PDXDC1: variants seen among roughly 807,000 people sequenced by gnomAD.
The protein encoded by PDXDC1 is pyridoxal dependent decarboxylase domain containing 1.
PDXDC1 carries 42 observed loss-of-function variants against 100.1 expected under a neutral mutation model. The ratio of observed to expected loss-of-function variants is 0.42; its 90% CI spans 0.33 to 0.54. The LOEUF (loss-of-function observed/expected upper bound fraction) is 0.54, where lower values mean the gene tolerates loss of function less well. Among genes scored for constraint, PDXDC1 ranks in the 20% least tolerant of loss-of-function variants. The pLI, the probability that PDXDC1 is intolerant of heterozygous loss-of-function variation, is 0.10. For missense variants in PDXDC1, 636 were observed against 979.2 expected, an observed-to-expected ratio of 0.65 and a Z score of 4.68; for synonymous variants, 260 against 371.7, an observed-to-expected ratio of 0.70 and a Z score of 3.46.
At chr16:15,035,850 A>C (rs1352472917) in intron 22 of PDXDC1, among the ~76,000 whole-genome samples, 166 bp from the exon 23 acceptor site, 1 of 152,136 alleles carries the variant, frequency 6.6e-6, no homozygotes, top group Non-Finnish European at 1.5e-5. Flanking sequence ...TGTTGGTGTC[A>C]AGCTAGCAGC....
At chr16:15,148,097 T>TC in the PDXDC1 span, among the ~76,000 whole-genome samples, 1 of 151,088 alleles carries the variant, frequency 6.6e-6, no homozygotes, top group African/African-American at 2.4e-5. Flanking sequence ...CAGGGAATCC[T>TC]CCCCCCTCAG....
intron 16 of PDXDC1, among the ~76,000 whole-genome samples, chr16:15,081,629 CT>C (rs1352827960): frequency 2.0e-5 from 3 of 152,170 alleles, no homozygotes; most frequent in Admixed American, 1.3e-4. Flanking sequence ...TTTGGGGATC[CT>C]TTTCATCTTC....
chr16:15,029,967 A>T lies in PDXDC1; in HGVS notation c.1310A>T (p.Lys437Met). ...ALNRWLGEQL[K>M]QLVPASGLTV... ...TCCTCACAGCTGGGAGAACAGCTGAAGCAGCTGGTGCCTGCAAGCGGCCTC... is the reference window on the plus strand; with the variant it reads ...TCCTCACAGCTGGGAGAACAGCTGATGCAGCTGGTGCCTGCAAGCGGCCTC... Residue 437 changes from lysine to methionine, a missense_variant, in exon 16 of 23, where the codon AAG (lysine) becomes ATG (methionine). Coordinates refer to ENST00000396410, the MANE Select transcript of PDXDC1 (RefSeq NM_015027.4). The T allele has an allele frequency of 6.4e-7, 1 of 1,554,054 alleles. No individual in the cohort carries two copies. The highest frequency in any genetic ancestry group is 1.2e-5 in the South Asian group (1 of 84,142).
intron 1 of PDXDC1, among the ~76,000 whole-genome samples, chr16:14,994,858 C>A (rs1971623724): frequency 6.6e-6 from 1 of 152,298 alleles, no homozygotes; most frequent in African/African-American, 2.4e-5. Flanking sequence ...TCGTTCACAT[C>A]CCTTGTAAGT....
In PDXDC1 at chr16:15,037,188, C is replaced by T. The variant is rs1290739593; in HGVS notation, c.*913C>T. 6 of 152,362 alleles carry T rather than the reference C, an allele frequency of 3.9e-5. No individual in the cohort carries two copies. Among genetic ancestry groups the T allele is most frequent in the African/African-American group, 7.2e-5 (3 of 41,584 alleles). The allele number at this position is 152,362 out of a possible 1,614,324, so 9.4% of individuals were successfully genotyped here. A position where few individuals can be genotyped will look rare whatever the true frequency, so the allele number is the denominator to read the frequency against. ...CTGGGCCCAACTCAGAAACAGGAGC[C>T]AGCAGAGCACTCTCTCACGCTGATC... On this transcript the variant is annotated 3_prime_UTR_variant, in exon 23 of 23. Transcript: ENST00000396410.
intron 16 of PDXDC1, chr16:15,130,268 G>A: frequency 6.5e-7 from 1 of 1,544,690 alleles, no homozygotes; most frequent in Non-Finnish European, 8.7e-7. Context: ...TGAGGTGGCG[G>A]GTGAGGCAGA....
intron 14 of PDXDC1, among the ~76,000 whole-genome samples, chr16:15,026,997 A>G (rs2042655098): frequency 6.6e-6 from 1 of 151,690 alleles, no homozygotes; most frequent in Non-Finnish European, 1.5e-5. Context: ...TACTTCCCAC[A>G]TATTTTGAGT....
chr16:15,056,093 G>T (rs985533354), intron 16 of PDXDC1: 50 of 265,716 alleles, frequency 1.9e-4, no homozygotes, highest in Non-Finnish European at 1.4e-4. Context: ...CCGCCCCACC[G>T]CGGGCGCTGC....
At chr16:15,135,620 C>T in intron 16 of PDXDC1, 3 of 1,552,114 alleles carry the variant, frequency 1.9e-6, no homozygotes, top group Non-Finnish European at 2.6e-6. Context: ...GGGTGAGGGG[C>T]ATGGAGGACG....
intron 1 of PDXDC1, chr16:14,988,311 C>G: frequency 6.2e-7 from 1 of 1,613,742 alleles, no homozygotes; most frequent in Non-Finnish European, 8.5e-7. Flanking sequence ...TCCAGGCCCA[C>G]AGTACTCGTT....
At chr16:15,034,004 T>G in intron 19 of PDXDC1, 1 of 532,372 alleles carries the variant, frequency 1.9e-6, no homozygotes. Context: ...CTTCATTCCT[T>G]TCTGGGTGGA....
At chr16:15,080,867 G>GT (rs926784868) in intron 16 of PDXDC1, among the ~76,000 whole-genome samples, 12 of 151,438 alleles carry the variant, frequency 7.9e-5, no homozygotes, top group African/African-American at 2.9e-4. Context: ...TATAATACAT[G>GT]TTTTTAGGGT....
chr16:15,029,876 G>T, intron 15 of PDXDC1, 75 bp from the exon 16 acceptor site: 1 of 1,373,420 alleles, frequency 7.3e-7, no homozygotes, highest in African/African-American at 1.5e-5. Context: ...GTCTGGGGCC[G>T]AGGGGATGAG....
intron 16 of PDXDC1, among the ~76,000 whole-genome samples, chr16:15,082,515 A>C (rs971996961): frequency 2.6e-5 from 4 of 151,898 alleles, no homozygotes; most frequent in Non-Finnish European, 5.9e-5. Context: ...TCTACCAAAA[A>C]CACAAAAATT....
chr16:15,041,822 C>G, downstream of PDXDC1: 1 of 691,218 alleles, frequency 1.4e-6, no homozygotes, highest in Non-Finnish European at 2.7e-6. Flanking sequence ...CACAGCCTGG[C>G]CTATGGGGCC....
chr16:15,014,135 A>T (rs2041589566), intron 8 of PDXDC1, among the ~76,000 whole-genome samples: 1 of 151,130 alleles, frequency 6.6e-6, no homozygotes, highest in Admixed American at 6.6e-5. Flanking sequence ...TGAACCCAGG[A>T]GGCTGAGATT....
At chr16:15,020,683 A>T (rs1483869719) in intron 12 of PDXDC1, among the ~76,000 whole-genome samples, 1 of 152,002 alleles carries the variant, frequency 6.6e-6, no homozygotes, top group African/African-American at 2.4e-5. Context: ...TCAGTCTTTT[A>T]AAAAAAGAAA....
At chr16:15,019,534 C>T (rs2042022653) in intron 12 of PDXDC1, among the ~76,000 whole-genome samples, 1 of 152,296 alleles carries the variant, frequency 6.6e-6, no homozygotes, top group Non-Finnish European at 1.5e-5. Flanking sequence ...TTATAAACAA[C>T]AGACATTTAT....
intron 1 of PDXDC1, among the ~76,000 whole-genome samples, chr16:14,987,180 A>G (rs1372181246): frequency 6.6e-6 from 1 of 152,302 alleles, no homozygotes; most frequent in Non-Finnish European, 1.5e-5. Flanking sequence ...TTCCCTGTAA[A>G]GTGTCACTTT....
Sources: gnomAD v4.1 joint callset for allele counts (sites outside exome capture counted in the v4.1 genomes callset) on GRCh38, gnomAD v4.1.1 for gene constraint, MANE v1.5 for transcripts, NCBI Gene and HGNC (gene_info 2026-07-23, HGNC 2026-07-21) for gene names.